Variants in ICE1 observed in about 807,000 individuals in gnomAD.
ICE1 encodes interactor of little elongation complex ELL subunit 1, also known as little elongation complex subunit 1.
In ICE1, 64 loss-of-function variants were observed where a neutral mutation model predicts 192.7. The observed-to-expected ratio is 0.33, with a 90% CI of 0.27 to 0.41. The LOEUF (loss-of-function observed/expected upper bound fraction) is 0.41, where lower values mean the gene tolerates loss of function less well. Ranked by LOEUF, ICE1 falls within the 10% of genes least tolerant of loss-of-function variation. The pLI is 1.00. For missense variants in ICE1, 2,708 were observed against 2,696.0 expected, an observed-to-expected ratio of 1.00 and a Z score of -0.10; for synonymous variants, 1,010 against 984.5, an observed-to-expected ratio of 1.03 and a Z score of -0.49.
rs772370854 is a variant in ICE1 at position 5,457,462 on chromosome 5, G to C, written c.822G>C (p.Lys274Asn). Reference sequence around the variant, plus strand: ...TCACAAAACTGTCCATGGAGATAAAGGAGGACTTTTTATGTCAAAATGTGG... The same window carrying C: ...TCACAAAACTGTCCATGGAGATAAACGAGGACTTTTTATGTCAAAATGTGG... ...TCLTKLSMEI[K>N]EDFLCQNVEK... The change falls in exon 12 of 19, where the codon AAG becomes AAC. Residue 274 changes from lysine (K) to asparagine (N), a missense_variant. By Grantham distance (94) the Lys-to-Asn change is moderately conservative. Around this residue, in one of 2 missense-constraint regions of ICE1, gnomAD observed 2,366 missense variants for 2,276.6 expected, o/e 1.04. Transcript: ENST00000296564. 6.2e-7 allele frequency: 1 copy of C among 1,613,838 alleles called. No individual in the cohort carries two copies. Among genetic ancestry groups the C allele is most frequent in the Non-Finnish European group, 8.5e-7 (1 of 1,179,838 alleles).
rs185363945 is a variant in ICE1 at position 5,462,617 on chromosome 5, C to G, written c.3283C>G (p.His1095Asp). ...TSQSSLPGTL[H>D]CYTGIREGGD... ...CCAAAGTAGCCTGCCTGGTACCTTACATTGTTACACAGGCATTCGAGAGGG... is the reference window on the plus strand; with the variant it reads ...CCAAAGTAGCCTGCCTGGTACCTTAGATTGTTACACAGGCATTCGAGAGGG... Residue 1095 changes from histidine (H) to aspartate (D), a missense_variant, in exon 13 of 19, where the codon CAT (histidine) becomes GAT (aspartate). His to Asp is a moderately conservative substitution (Grantham distance 81). Transcript: ENST00000296564. 1.7e-4 allele frequency: 276 copies of G among 1,613,952 alleles called. No individual in the cohort carries two copies. The African/African-American group carries it at 2.9e-3, about 17-fold the overall frequency.
Position 5,463,172 on chromosome 5 carries a change from A to G in ICE1, c.3838A>G (p.Lys1280Glu). Residue 1280 changes from lysine to glutamate, a missense_variant, in exon 13 of 19, where the codon AAA (lysine) becomes GAA (glutamate). Physicochemically the swap from Lys to Glu is moderately conservative, Grantham distance 56. Around this residue, in one of 2 missense-constraint regions of ICE1, gnomAD observed 2,366 missense variants for 2,276.6 expected, o/e 1.04. Coordinates refer to ENST00000296564, the MANE Select transcript of ICE1 (RefSeq NM_015325.3). ...AACAAATTCTGAAGATTGCAATGGT[A>G]AAGATACTGGCAGTTTATTGCTCTT... ...LQTNSEDCNG[K>E]DTGSLLLLNV... 6.2e-7 allele frequency: 1 copy of G among 1,612,160 alleles called. No homozygotes were observed. The highest frequency in any genetic ancestry group is 8.5e-7 in the Non-Finnish European group (1 of 1,179,194).
chr5:5,422,882 G>A lies in ICE1; in HGVS notation c.-34G>A, dbSNP rs983536711. On this transcript the variant is annotated 5_prime_UTR_variant, in exon 1 of 19. Coordinates refer to ENST00000296564, the MANE Select transcript of ICE1 (RefSeq NM_015325.3). ...CGGGGCCGACGCCGCGGGCCCCTGA[G>A]GCGTGCGTGCCCACCGGGCCCGGCG... 9 of 1,337,876 alleles carry A rather than the reference G, an allele frequency of 6.7e-6. No homozygotes were observed. Among genetic ancestry groups the A allele is most frequent in the Admixed American group, 3.5e-5 (1 of 28,330 alleles). 82.9% of individuals were successfully genotyped at this position (1,337,876 alleles called of 1,614,324 possible).
In ICE1 at chr5:5,465,102, CAG is replaced by C. The variant is rs1561092729; in HGVS notation, c.5771_5772del (p.Glu1924ValfsTer4). Reference sequence around the variant, plus strand: ...ATAGCTAATGCCCTGAAGAAAATTGCAGAGTTTTCTTTTGATCTGTTACCTGT... The same window carrying C: ...ATAGCTAATGCCCTGAAGAAAATTGCAGTTTTCTTTTGATCTGTTACCTGT... On this transcript the variant is annotated frameshift_variant, in exon 13 of 19. Coordinates refer to ENST00000296564, the MANE Select transcript of ICE1 (RefSeq NM_015325.3). LOFTEE classifies it high-confidence loss of function. 8 of 1,613,270 alleles carry C rather than the reference CAG, an allele frequency of 5.0e-6. No individual in the cohort carries two copies. The highest frequency in any genetic ancestry group is 2.2e-5 in the East Asian group (1 of 44,876).
chr5:5,447,648 C>T (rs1738273834), intron 8 of ICE1, 73 bp from the exon 9 acceptor site: 2 of 1,438,716 alleles, frequency 1.4e-6, no homozygotes, highest in Non-Finnish European at 1.9e-6. Context: ...TAAGTTGCAC[C>T]TGTTTTACAT....
intron 15 of ICE1, among the ~76,000 whole-genome samples, chr5:5,469,331 A>G (rs1739086844): frequency 6.6e-6 from 1 of 152,178 alleles, no homozygotes; most frequent in South Asian, 2.1e-4. Flanking sequence ...AAAAATATAT[A>G]TATTTCAGTT....
chr5:5,443,010 A>G (rs894156651), intron 5 of ICE1, among the ~76,000 whole-genome samples, 158 bp from the exon 6 acceptor site: 2 of 152,084 alleles, frequency 1.3e-5, no homozygotes, highest in Non-Finnish European at 2.9e-5. Context: ...TATTTCATCT[A>G]TTAAGAATCT....
chr5:5,439,641 A>G (rs954578279), intron 3 of ICE1, among the ~76,000 whole-genome samples: 2 of 152,158 alleles, frequency 1.3e-5, no homozygotes, highest in South Asian at 2.1e-4. Flanking sequence ...CTGATCATAC[A>G]TTTATTCACA....
chr5:5,461,689 T>C lies in ICE1; in HGVS notation c.2355T>C (p.Phe785=), dbSNP rs1212253986. 6.2e-7 allele frequency: 1 copy of C among 1,613,752 alleles called. No individual in the cohort carries two copies. Among genetic ancestry groups the C allele is most frequent in the Non-Finnish European group, 8.5e-7 (1 of 1,179,876 alleles). Residue 785 remains phenylalanine (F), a synonymous_variant, in exon 13 of 19, where the codon TTT becomes TTC. Transcript: ENST00000296564. ...QAALIKSGLG[F]VKSTSWHHSD... is the part of the protein sequence containing the mutation. The stretch of plus-strand genomic sequence containing the variant: ...CCTTGATCAAGAGTGGTTTGGGTTT[T>C]GTTAAAAGTACTTCATGGCACCATA...
rs201407581 is a variant in ICE1 at position 5,463,540 on chromosome 5, C to T, written c.4206C>T (p.Thr1402=). 2.5e-4 allele frequency: 398 copies of T among 1,613,850 alleles called. No homozygotes were observed. The highest frequency in any genetic ancestry group is 1.2e-3 in the Middle Eastern group (7 of 6,062). ...TTFQCQIATV[T]SEVINVLINK... ...TTCAGTGTCAGATAGCAACAGTGAC[C>T]TCAGAAGTTATAAACGTACTTATAA... Residue 1402 remains threonine (T), a synonymous_variant, in exon 13 of 19, where the codon ACC becomes ACT. Coordinates refer to ENST00000296564, the MANE Select transcript of ICE1 (RefSeq NM_015325.3).
Position 5,490,077 on chromosome 5 carries a change from A to T in ICE1, c.*747A>T, listed in dbSNP as rs1195810028. ...CGTGCTATGATGTGTCTCACATTGG[A>T]TGATATTCCACTTTGGGAATTTTAG... On this transcript the variant is annotated 3_prime_UTR_variant, in exon 19 of 19. Coordinates refer to ENST00000296564, the MANE Select transcript of ICE1 (RefSeq NM_015325.3). The T allele has an allele frequency of 3.9e-5, 6 of 152,198 alleles. No homozygotes were observed. Among genetic ancestry groups the T allele is most frequent in the Admixed American group, 3.9e-4 (6 of 15,276 alleles). The allele number at this position is 152,198 out of a possible 1,614,324, so 9.4% of individuals were successfully genotyped here. A position where few individuals can be genotyped will look rare whatever the true frequency, so the allele number is the denominator to read the frequency against.
At chr5:5,453,771 A>G in intron 10 of ICE1, among the ~76,000 whole-genome samples, 1 of 152,358 alleles carries the variant, frequency 6.6e-6, no homozygotes, top group Non-Finnish European at 1.5e-5. Context: ...CTTTAAAACC[A>G]TAGTATAATA....
chr5:5,431,720 G>A (rs1320154139), intron 1 of ICE1, among the ~76,000 whole-genome samples: 6 of 151,992 alleles, frequency 3.9e-5, no homozygotes, highest in Admixed American at 3.9e-4. Context: ...TGTCTCCAGT[G>A]GTCTGAAATT....
intron 17 of ICE1, among the ~76,000 whole-genome samples, chr5:5,480,319 G>A (rs1579580540): frequency 2.8e-5 from 4 of 143,634 alleles, no homozygotes; most frequent in South Asian, 2.2e-4. Flanking sequence ...GCACCATCTC[G>A]GCTCACTGCA....
rs1371601040 is a variant in ICE1 at position 5,462,292 on chromosome 5, G to A, written c.2958G>A (p.Gln986=). 5.0e-6 allele frequency: 8 copies of A among 1,613,670 alleles called. No individual in the cohort carries two copies. Among genetic ancestry groups the A allele is most frequent in the African/African-American group, 1.3e-5 (1 of 74,930 alleles). The change falls in exon 13 of 19, where the codon CAG becomes CAA. Residue 986 remains glutamine, a synonymous_variant. Coordinates refer to ENST00000296564, the MANE Select transcript of ICE1 (RefSeq NM_015325.3). ...AGGGAGATGGGCAGAAGCAAAGGCA[G>A]CCTCAGGCCACAGATCTGGACTCCA... ...AVQGDGQKQR[Q]PQATDLDSSG...
intron 5 of ICE1, among the ~76,000 whole-genome samples, chr5:5,442,267 T>C (rs1738073058): frequency 6.6e-6 from 1 of 152,206 alleles, no homozygotes; most frequent in South Asian, 2.1e-4. Flanking sequence ...TAACCTCTTC[T>C]CTCTAGGCGC....
rs1407866685 is a variant in ICE1, at chr5:5,430,162, G to C, written c.85-6256G>C. Among the ~76,000 whole-genome samples the C allele has an allele frequency of 2.0e-5, 3 of 152,312 alleles. No homozygotes were observed. The South Asian group carries it at 6.2e-4, about 32-fold the overall frequency. The stretch of plus-strand genomic sequence containing the variant: ...CACTTCTTCCATAGCAGCTGGACCT[G>C]TGCAGGAATGAATGTGGGTCAGAGG... On this transcript the variant is annotated intron_variant, in intron 1 of 18. Coordinates refer to ENST00000296564, the MANE Select transcript of ICE1 (RefSeq NM_015325.3).
chr5:5,447,602 T>C, intron 8 of ICE1, 93 bp downstream of exon 8: 1 of 1,351,812 alleles, frequency 7.4e-7, no homozygotes, highest in Non-Finnish European at 1.0e-6. Context: ...GGAGTCAACA[T>C]GAGGCCCCCT....
chr5:5,484,430 C>A (rs532999115), intron 17 of ICE1, among the ~76,000 whole-genome samples: 2 of 152,100 alleles, frequency 1.3e-5, no homozygotes, highest in African/African-American at 2.4e-5. Context: ...AGTTAATATC[C>A]GTGGTAGATT....
Sources: allele counts gnomAD v4.1 joint callset (sites outside exome capture counted in the v4.1 genomes callset), GRCh38; gene constraint gnomAD v4.1.1; regional missense constraint gnomAD v4.1.1; transcripts MANE v1.5; gene names NCBI Gene and HGNC (gene_info 2026-07-23, HGNC 2026-07-21).